The following WASF2 variants were observed in gnomAD, a reference collection of about 807,000 sequenced individuals.
WASF2 encodes the protein WASP family member 2, also known as actin-binding protein WASF2.
In WASF2, 14 loss-of-function variants were observed where a neutral mutation model predicts 45.0. The ratio of observed to expected loss-of-function variants is 0.31; its 90% CI spans 0.21 to 0.49. WASF2 has a LOEUF of 0.49. Ranked by LOEUF, WASF2 falls within the 20% of genes least tolerant of loss-of-function variation. The pLI is 0.99. For missense variants in WASF2, 439 were observed against 636.1 expected, an observed-to-expected ratio of 0.69 and a Z score of 3.33; for synonymous variants, 200 against 236.3, an observed-to-expected ratio of 0.85 and a Z score of 1.41.
At chr1:27,489,252 GCA>G (rs60315426) in intron 1 of WASF2, among the ~76,000 whole-genome samples, 7,316 of 80,080 alleles carry the variant, frequency 0.091, 423 homozygotes, top group African/African-American at 0.14. Context: ...CTGTACGCGC[GCA>G]CACACACACA....
intron 1 of WASF2, among the ~76,000 whole-genome samples, chr1:27,489,400 C>A (rs1271092027): frequency 8.4e-6 from 1 of 119,344 alleles, no homozygotes; most frequent in African/African-American, 3.5e-5. Context: ...CAGTGTCCTC[C>A]TCAATTTAGC....
intron 1 of WASF2, among the ~76,000 whole-genome samples, chr1:27,455,635 C>G (rs1462283486): frequency 6.6e-6 from 1 of 152,224 alleles, no homozygotes. Context: ...CACAGAAGCC[C>G]TGCACTCCAA....
intron 2 of WASF2, among the ~76,000 whole-genome samples, chr1:27,426,294 T>A (rs1446199983): frequency 6.6e-6 from 1 of 152,196 alleles, no homozygotes; most frequent in Non-Finnish European, 1.5e-5. Context: ...CAGATCACTC[T>A]GGCAGGGATA....
chr1:27,456,645 A>C (rs2017471200), intron 1 of WASF2, among the ~76,000 whole-genome samples: 1 of 152,164 alleles, frequency 6.6e-6, no homozygotes, highest in Non-Finnish European at 1.5e-5. Flanking sequence ...GTTAGGAATA[A>C]ATAAATAAAT....
chr1:27,420,843 A>G (rs1459820762), intron 2 of WASF2, among the ~76,000 whole-genome samples: 1 of 152,098 alleles, frequency 6.6e-6, no homozygotes. Context: ...AGCTTCTTGC[A>G]AGGTGAAGGC....
At chr1:27,478,784 A>G (rs1243439936) in intron 1 of WASF2, among the ~76,000 whole-genome samples, 1 of 151,724 alleles carries the variant, frequency 6.6e-6, no homozygotes, top group Non-Finnish European at 1.5e-5. Flanking sequence ...GGGCTTCTCC[A>G]TGTTGGTCAG....
At chr1:27,420,164 CG>C (rs2016886129) in intron 2 of WASF2, among the ~76,000 whole-genome samples, 1 of 152,136 alleles carries the variant, frequency 6.6e-6, no homozygotes, top group Middle Eastern at 3.2e-3. Flanking sequence ...CTTGGCCTCC[CG>C]AAGTGCTGGG....
At chr1:27,487,718 TATC>T (rs566746840) in intron 1 of WASF2, among the ~76,000 whole-genome samples, 2,206 of 121,308 alleles carry the variant, frequency 0.018, 78 homozygotes, top group African/African-American at 0.066. Flanking sequence ...ATATAATGTA[TATC>T]ATTATATTAT....
At chr1:27,408,597 T>C (rs1164157814) in intron 8 of WASF2, among the ~76,000 whole-genome samples, 3 of 152,204 alleles carry the variant, frequency 2.0e-5, no homozygotes, top group Non-Finnish European at 4.4e-5. Context: ...GGACTTCTCA[T>C]AAGGCTTTGA....
chr1:27,449,691 C>G (rs2017357822), intron 1 of WASF2, among the ~76,000 whole-genome samples: 1 of 152,070 alleles, frequency 6.6e-6, no homozygotes, highest in Non-Finnish European at 1.5e-5. Flanking sequence ...AGGAGGGTGT[C>G]TGGAACTCCA....
At chr1:27,420,514 C>CTTTTTTTTT (rs782294669) in intron 2 of WASF2, among the ~76,000 whole-genome samples, 8 of 82,498 alleles carry the variant, frequency 9.7e-5, no homozygotes, top group Non-Finnish European at 1.6e-4. Context: ...ACCATCTGAG[C>CTTTTTTTTT]TTTTTTTTTT....
rs2016826813 is a variant in WASF2, at chr1:27,416,440, G to A, written c.420-338C>T. On this transcript the variant is annotated intron_variant, in intron 4 of 8. Transcript: ENST00000618852. The stretch of plus-strand genomic sequence containing the variant: ...TCCCTGAGGATATTCGGATTTCCTG[G>A]TACATCAGAGGGGATTTCTACCACT... 2.6e-5 allele frequency among the ~76,000 whole-genome samples: 4 copies of A among 152,118 alleles called. No homozygotes were observed. The South Asian group carries it at 8.3e-4, about 32-fold the overall frequency.
At chr1:27,477,628 G>A (rs977760183) in intron 1 of WASF2, among the ~76,000 whole-genome samples, 16,677 of 141,236 alleles carry the variant, frequency 0.12, 1,984 homozygotes, top group East Asian at 0.25. Context: ...GGCCGGGCGC[G>A]GTGGCTCACG....
At chr1:27,453,591 C>CAA (rs57897316) in intron 1 of WASF2, among the ~76,000 whole-genome samples, 2 of 103,110 alleles carry the variant, frequency 1.9e-5, no homozygotes, top group Non-Finnish European at 4.0e-5. Context: ...GACTCTGTCT[C>CAA]AAAAAAAAAA....
chr1:27,474,190 A>C (rs964803478), intron 1 of WASF2, among the ~76,000 whole-genome samples: 5 of 152,214 alleles, frequency 3.3e-5, no homozygotes, highest in Non-Finnish European at 5.9e-5. Flanking sequence ...ATACTTGTTG[A>C]GGCTAGGAGA....
At chr1:27,443,763 C>T (rs1427259379) in intron 1 of WASF2, among the ~76,000 whole-genome samples, 13 of 151,904 alleles carry the variant, frequency 8.6e-5, no homozygotes, top group Admixed American at 7.9e-4. Flanking sequence ...ATACAAACTA[C>T]CTTATACTAT....
intron 1 of WASF2, among the ~76,000 whole-genome samples, chr1:27,468,689 C>T (rs540793151): frequency 1.4e-5 from 2 of 143,212 alleles, no homozygotes; most frequent in Non-Finnish European, 3.0e-5. Context: ...TTAAAAAAGA[C>T]GTAAAAGAGG....
intron 1 of WASF2, chr1:27,459,557 T>C (rs2017517765): frequency 6.6e-6 from 1 of 151,674 alleles, no homozygotes; most frequent in African/African-American, 2.4e-5. Context: ...TTAAACAGCT[T>C]TGAACTATAA....
At chr1:27,484,433 G>A (rs192804536) in intron 1 of WASF2, among the ~76,000 whole-genome samples, 36 of 152,208 alleles carry the variant, frequency 2.4e-4, no homozygotes, top group African/African-American at 8.7e-4. Context: ...ACACCAAGAT[G>A]TGCAAATTGT....
Sources: gnomAD v4.1 joint callset for allele counts (sites outside exome capture counted in the v4.1 genomes callset) on GRCh38, gnomAD v4.1.1 for gene constraint, MANE v1.5 for transcripts, NCBI Gene and HGNC (gene_info 2026-07-23, HGNC 2026-07-21) for gene names.